The following ADCY2 variants were observed in gnomAD, a reference collection of about 807,000 sequenced individuals.
ADCY2 encodes adenylate cyclase type 2.
In ADCY2, 31 loss-of-function variants were observed where a neutral mutation model predicts 125.2. That is an observed-to-expected ratio of 0.25 (90% confidence interval 0.19 to 0.33). ADCY2 has a LOEUF of 0.33. Among genes scored for constraint, ADCY2 ranks in the 10% least tolerant of loss-of-function variants. ADCY2 has a pLI of 1.00. For synonymous variants in ADCY2, 512 were observed against 548.4 expected (o/e 0.93, Z 0.93); for missense variants, 904 against 1,418.2 (o/e 0.64, Z 5.82).
Position 7,727,105 on chromosome 5 carries a change from A to G in ADCY2, c.1774-59A>G, listed in dbSNP as rs6886121. The G allele has an allele frequency of 9.3e-3, 12,336 of 1,322,030 alleles. 882 individuals carry two copies. The African/African-American group carries it at 0.16, about 17-fold the overall frequency. The allele number at this position is 1,322,030 out of a possible 1,614,324, so 81.9% of individuals were successfully genotyped here. ...TCTGGGTACAACTAGGCTGCTGGAC[A>G]CTGTGTGCAGCTCTTCTCTTGGAGA... On this transcript the variant is annotated intron_variant, in intron 13 of 24. Coordinates refer to ENST00000338316, the MANE Select transcript of ADCY2 (RefSeq NM_020546.3).
chr5:7,779,074 G>A (rs900381628), intron 18 of ADCY2, among the ~76,000 whole-genome samples: 1 of 152,108 alleles, frequency 6.6e-6, no homozygotes, highest in Non-Finnish European at 1.5e-5. Flanking sequence ...AGAAAGTGAG[G>A]AGCACAGCAT....
chr5:7,598,315 AG>A (rs1159024563), intron 3 of ADCY2, among the ~76,000 whole-genome samples: 1 of 152,202 alleles, frequency 6.6e-6, no homozygotes, highest in Non-Finnish European at 1.5e-5. Context: ...GCTGCAGGGT[AG>A]GGGTGAGCCT....
intron 20 of ADCY2, chr5:7,800,681 T>C (rs959786154): frequency 2.6e-5 from 4 of 151,828 alleles, no homozygotes; most frequent in African/African-American, 9.7e-5. Context: ...AAAAAGTATG[T>C]CCTCCCCTGG....
At chr5:7,500,806 A>G (rs928170555) in intron 2 of ADCY2, among the ~76,000 whole-genome samples, 63 of 151,802 alleles carry the variant, frequency 4.2e-4, no homozygotes. Context: ...ATGGAAAAAC[A>G]TGGCACCCTG....
chr5:7,634,993 G>A (rs1024197369), intron 4 of ADCY2, among the ~76,000 whole-genome samples: 1 of 152,104 alleles, frequency 6.6e-6, no homozygotes, highest in Non-Finnish European at 1.5e-5. Context: ...AGACCTAGGA[G>A]GGCCTGAGAA....
At chr5:7,660,705 G>A (rs1430862818) in intron 4 of ADCY2, among the ~76,000 whole-genome samples, 1 of 152,060 alleles carries the variant, frequency 6.6e-6, no homozygotes, top group African/African-American at 2.4e-5. Context: ...TTCTTCAGTT[G>A]ATTGGATGAG....
At chr5:7,810,167 A>G (rs1487292453) in intron 22 of ADCY2, among the ~76,000 whole-genome samples, 1 of 152,196 alleles carries the variant, frequency 6.6e-6, no homozygotes, top group Non-Finnish European at 1.5e-5. Flanking sequence ...CTTTTTTTTA[A>G]AAAGGATATT....
intron 2 of ADCY2, among the ~76,000 whole-genome samples, chr5:7,465,759 A>G (rs1742090884): frequency 6.6e-6 from 1 of 152,242 alleles, no homozygotes; most frequent in African/African-American, 2.4e-5. Context: ...CTATAAATAT[A>G]TAGCAGTTCC....
intron 3 of ADCY2, among the ~76,000 whole-genome samples, chr5:7,597,586 G>A (rs112389001): frequency 0.019 from 2,915 of 152,276 alleles, 91 homozygotes; most frequent in African/African-American, 0.066. Context: ...ATGAGCCTGA[G>A]CAACATGACA....
intron 2 of ADCY2, among the ~76,000 whole-genome samples, chr5:7,493,411 G>C (rs1437835924): frequency 1.4e-5 from 2 of 146,542 alleles, no homozygotes; most frequent in Non-Finnish European, 3.1e-5. Context: ...GGAGAGAGGA[G>C]AGGGGGTATC....
intron 4 of ADCY2, among the ~76,000 whole-genome samples, chr5:7,670,321 G>C (rs540848784): frequency 6.6e-6 from 1 of 152,090 alleles, no homozygotes; most frequent in African/African-American, 2.4e-5. Context: ...GTGATAGCCC[G>C]AGCCGATGGG....
intron 2 of ADCY2, among the ~76,000 whole-genome samples, chr5:7,460,024 G>A (rs757414616): frequency 1.2e-4 from 18 of 151,798 alleles, no homozygotes; most frequent in Non-Finnish European, 2.5e-4. Flanking sequence ...CTGACCTCGC[G>A]ATCCACCTGT....
chr5:7,810,751 T>C (rs1312110210), intron 22 of ADCY2, among the ~76,000 whole-genome samples: 1 of 152,088 alleles, frequency 6.6e-6, no homozygotes, highest in African/African-American at 2.4e-5. Context: ...CAACTGTTCA[T>C]TAGACTGGGA....
At chr5:7,619,196 T>C (rs1480605699) in intron 3 of ADCY2, among the ~76,000 whole-genome samples, 2 of 152,216 alleles carry the variant, frequency 1.3e-5, no homozygotes, top group Non-Finnish European at 2.9e-5. Context: ...AAATATCAGA[T>C]GCAATTATCC....
chr5:7,810,767 C>G (rs180696196), intron 22 of ADCY2, among the ~76,000 whole-genome samples: 2 of 152,090 alleles, frequency 1.3e-5, no homozygotes, highest in Admixed American at 1.3e-4. Flanking sequence ...TGGGAGTGTT[C>G]TCTCCACTAC....
intron 20 of ADCY2, chr5:7,801,057 C>T (rs1317486986): frequency 6.6e-6 from 1 of 152,202 alleles, no homozygotes; most frequent in Non-Finnish European, 1.5e-5. Flanking sequence ...CAGAAAAGGA[C>T]ACGAGTCCAT....
intron 4 of ADCY2, chr5:7,657,916 G>A (rs572386404): frequency 3.9e-5 from 6 of 152,246 alleles, no homozygotes; most frequent in African/African-American, 1.4e-4. Flanking sequence ...ACTGAGGAGG[G>A]AGGCAGCTCC....
At chr5:7,444,102 T>A (rs1174909471) in intron 2 of ADCY2, among the ~76,000 whole-genome samples, 1 of 143,818 alleles carries the variant, frequency 7.0e-6, no homozygotes, top group Non-Finnish European at 1.5e-5. Context: ...CTGGTTTTGG[T>A]TTTTATCTCT....
rs1554022167 is a variant in ADCY2 at position 7,589,524 on chromosome 5, G to GAAAGAAAGAAAAGAAAAGAA, written c.571-36642_571-36641insAAGAAAGAAAAGAAAAGAAA. On this transcript the variant is annotated intron_variant, in intron 3 of 24. Coordinates refer to ENST00000338316, the MANE Select transcript of ADCY2 (RefSeq NM_020546.3). ...AAAGAAAGAAAGAAAAGAAAAGAAA[G>GAAAGAAAGAAAAGAAAAGAA]AGAAAGAAAGAAAGGAGGGAGGGAA... Among the ~76,000 whole-genome samples, 349 of 67,646 alleles carry GAAAGAAAGAAAAGAAAAGAA rather than the reference G, an allele frequency of 5.2e-3. 5 individuals are homozygous for GAAAGAAAGAAAAGAAAAGAA. Among genetic ancestry groups the GAAAGAAAGAAAAGAAAAGAA allele is most frequent in the Middle Eastern group, 9.4e-3 (1 of 106 alleles). The allele number at this position is 67,646 out of a possible 152,430, so 44.4% of individuals were successfully genotyped here. A position where few individuals can be genotyped will look rare whatever the true frequency, so the allele number is the denominator to read the frequency against.
Sources: allele counts gnomAD v4.1 joint callset (sites outside exome capture counted in the v4.1 genomes callset), GRCh38; gene constraint gnomAD v4.1.1; transcripts MANE v1.5; gene names NCBI Gene and HGNC (gene_info 2026-07-23, HGNC 2026-07-21).